The following SKAP2 variants were observed in gnomAD, a reference collection of about 807,000 sequenced individuals.
SKAP2 encodes the protein src kinase associated phosphoprotein 2.
A neutral mutation model predicts 54.9 loss-of-function variants in SKAP2; 28 were observed. That is an observed-to-expected ratio of 0.51 (90% CI 0.38 to 0.70). The LOEUF (loss-of-function observed/expected upper bound fraction) is 0.70. Ranked by LOEUF, SKAP2 falls within the 30% of genes least tolerant of loss-of-function variation. The pLI is 0.00. For synonymous variants in SKAP2, 137 were observed against 134.3 expected, an observed-to-expected ratio of 1.02 and a Z score of -0.14; for missense variants, 356 against 424.1, an observed-to-expected ratio of 0.84 and a Z score of 1.41.
At chr7:26,673,535 A>T (rs1786284913) in intron 11 of SKAP2, among the ~76,000 whole-genome samples, 1 of 152,100 alleles carries the variant, frequency 6.6e-6, no homozygotes, top group African/African-American at 2.4e-5. Context: ...CTCCTGCAGT[A>T]ATGCTATCAA....
At chr7:26,658,719 T>C in the SKAP2 span, among the ~76,000 whole-genome samples, 32 of 152,074 alleles carry the variant, frequency 2.1e-4, no homozygotes, top group Non-Finnish European at 3.8e-4. Flanking sequence ...GTAATGCAAA[T>C]GCATAGAGCA....
At chr7:26,765,970 T>C (rs918909392) in intron 4 of SKAP2, among the ~76,000 whole-genome samples, 4 of 152,172 alleles carry the variant, frequency 2.6e-5, no homozygotes, top group Admixed American at 1.3e-4. Context: ...TTTGGTTCCA[T>C]ATGAAATTTA....
chr7:26,723,961 T>C (rs1024883700), intron 9 of SKAP2, among the ~76,000 whole-genome samples: 1 of 152,126 alleles, frequency 6.6e-6, no homozygotes, highest in East Asian at 1.9e-4. Context: ...CCAGGGAATA[T>C]TCTTCCCTAC....
intron 4 of SKAP2, among the ~76,000 whole-genome samples, chr7:26,838,252 T>C (rs1054851062): frequency 1.3e-5 from 2 of 152,120 alleles, no homozygotes; most frequent in Non-Finnish European, 2.9e-5. Flanking sequence ...TAATTTGGCA[T>C]TCAGCTCCTA....
intron 1 of SKAP2, among the ~76,000 whole-genome samples, chr7:26,856,378 T>C (rs773287815): frequency 6.6e-5 from 10 of 151,968 alleles, no homozygotes; most frequent in Non-Finnish European, 1.0e-4. Context: ...TTCCTTGAGT[T>C]ATATTAACAA....
chr7:26,689,816 T>C (rs1786741966), intron 10 of SKAP2, among the ~76,000 whole-genome samples: 1 of 152,188 alleles, frequency 6.6e-6, no homozygotes, highest in East Asian at 1.9e-4. Flanking sequence ...GATGTCTACA[T>C]TGCCAGTCCC....
intron 3 of SKAP2, among the ~76,000 whole-genome samples, chr7:26,845,156 T>C (rs1784897288): frequency 6.6e-6 from 1 of 152,160 alleles, no homozygotes; most frequent in South Asian, 2.1e-4. Flanking sequence ...AAAATCCCCA[T>C]AGGAACCGCA....
At chr7:26,657,417 G>C in the SKAP2 span, among the ~76,000 whole-genome samples, 115 of 152,260 alleles carry the variant, frequency 7.6e-4, no homozygotes, top group Admixed American at 2.1e-3. Context: ...CACTGTTCTA[G>C]GAGCAGAAAG....
chr7:26,830,695 T>G (rs537299273), intron 4 of SKAP2, among the ~76,000 whole-genome samples: 1 of 152,304 alleles, frequency 6.6e-6, no homozygotes, highest in South Asian at 2.1e-4. Context: ...ATTTATGTTA[T>G]TTTTAAATCT....
At chr7:26,797,126 G>A (rs1184613219) in intron 4 of SKAP2, among the ~76,000 whole-genome samples, 2 of 152,326 alleles carry the variant, frequency 1.3e-5, no homozygotes, top group Non-Finnish European at 1.5e-5. Context: ...GGGGATTAGG[G>A]GACCTCGCTG....
chr7:26,686,694 T>TA (rs1203977011), intron 10 of SKAP2, among the ~76,000 whole-genome samples: 1 of 152,202 alleles, frequency 6.6e-6, no homozygotes, highest in Non-Finnish European at 1.5e-5. Context: ...CTAGTCAGAT[T>TA]AAATCAATTG....
At chr7:26,750,052 AAC>A (rs1782647662) in intron 4 of SKAP2, among the ~76,000 whole-genome samples, 1 of 151,908 alleles carries the variant, frequency 6.6e-6, no homozygotes, top group African/African-American at 2.4e-5. Flanking sequence ...AAATCAAGAT[AAC>A]ACACAATAAG....
At chr7:26,787,704 G>A (rs769443052) in intron 4 of SKAP2, among the ~76,000 whole-genome samples, 11 of 152,006 alleles carry the variant, frequency 7.2e-5, no homozygotes, top group Non-Finnish European at 1.5e-4. Flanking sequence ...AAGAGGGAGG[G>A]GGAGGTGCCA....
At chr7:26,810,813 C>T (rs1267653784) in intron 4 of SKAP2, among the ~76,000 whole-genome samples, 2 of 152,106 alleles carry the variant, frequency 1.3e-5, no homozygotes, top group Middle Eastern at 3.2e-3. Flanking sequence ...TCCCGCGTAG[C>T]TGGGACTACA....
At chr7:26,810,077 C>G (rs976427766) in intron 4 of SKAP2, among the ~76,000 whole-genome samples, 6 of 151,984 alleles carry the variant, frequency 3.9e-5, no homozygotes, top group Non-Finnish European at 8.8e-5. Flanking sequence ...GGTTCGCACC[C>G]GTAATCTCAG....
Position 26,672,312 on chromosome 7 carries a change from C to T in SKAP2, c.988-2120G>A, listed in dbSNP as rs181771744. ...CACCCAAATTTAAGAAATTAGTTCC[C>T]AAGAAATCACATCAACAAGGGCAGA... is the stretch of plus-strand genomic sequence containing the variant. On this transcript the variant is annotated intron_variant, in intron 11 of 12. Transcript: ENST00000345317. Among the ~76,000 whole-genome samples, 51 of 152,050 alleles carry T rather than the reference C, an allele frequency of 3.4e-4. No individual in the cohort carries two copies. In the East Asian group the frequency reaches 5.6e-3, roughly 17 times the overall value.
At chr7:26,675,859 T>A (rs1786339527) in intron 11 of SKAP2, among the ~76,000 whole-genome samples, 1 of 152,214 alleles carries the variant, frequency 6.6e-6, no homozygotes, top group Non-Finnish European at 1.5e-5. Context: ...GTGCCTTGTC[T>A]AAAAAGCTTA....
At position 26,837,655 on chromosome 7, in the gene SKAP2, A is replaced by C. The variant is rs374005085; in HGVS notation, c.307+6375T>G. On this transcript the variant is annotated intron_variant, in intron 4 of 12. Coordinates refer to ENST00000345317, the MANE Select transcript of SKAP2 (RefSeq NM_003930.5). ...CCAGCACTGGGAATTACAATTCAAC[A>C]TGTGATTTGGGCGGAGATAAATATC... is the stretch of plus-strand genomic sequence containing the variant. 7.3e-4 allele frequency among the ~76,000 whole-genome samples: 111 copies of C among 152,312 alleles called. 3 individuals are homozygous for C. In the South Asian group the frequency reaches 0.015, roughly 20 times the overall value.
chr7:26,802,871 C>CAATA (rs1268754608), intron 4 of SKAP2, among the ~76,000 whole-genome samples: 4 of 151,642 alleles, frequency 2.6e-5, no homozygotes, highest in Non-Finnish European at 5.9e-5. Flanking sequence ...GACTCTGTCT[C>CAATA]AATAAATAAA....
Sources: gnomAD v4.1 joint callset for allele counts (sites outside exome capture counted in the v4.1 genomes callset) on GRCh38, gnomAD v4.1.1 for gene constraint, MANE v1.5 for transcripts, NCBI Gene and HGNC (gene_info 2026-07-23, HGNC 2026-07-21) for gene names.